Variants in CHODL observed in about 807,000 individuals in gnomAD.
The protein encoded by CHODL is transmembrane protein MT75.
A neutral mutation model predicts 34.5 loss-of-function variants in CHODL; 29 were observed. The ratio of observed to expected loss-of-function variants is 0.84; its 90% CI spans 0.63 to 1.15. The LOEUF is 1.15. Ranked by LOEUF, CHODL falls within the 50% of genes most tolerant of loss-of-function variation. CHODL has a pLI of 0.00. For synonymous variants in CHODL, 125 were observed against 116.1 expected, an observed-to-expected ratio of 1.08 and a Z score of -0.49; for missense variants, 332 against 332.5, an observed-to-expected ratio of 1.00 and a Z score of 0.01.
intron 1 of CHODL, among the ~76,000 whole-genome samples, chr21:18,007,336 A>T (rs545554607): frequency 6.6e-6 from 1 of 152,278 alleles, no homozygotes; most frequent in Admixed American, 6.5e-5. Flanking sequence ...AAATTGGCAC[A>T]TTTCCCAGTG....
intron 2 of CHODL, among the ~76,000 whole-genome samples, chr21:18,075,494 A>C (rs755803092): frequency 6.6e-6 from 1 of 151,688 alleles, no homozygotes; most frequent in Non-Finnish European, 1.5e-5. Flanking sequence ...ACCACTCCTT[A>C]CTACCTATGG....
At chr21:18,027,410 A>G (rs1170960341) in intron 1 of CHODL, among the ~76,000 whole-genome samples, 1 of 152,224 alleles carries the variant, frequency 6.6e-6, no homozygotes, top group East Asian at 1.9e-4. Flanking sequence ...TTTTGAAGTC[A>G]TTGAAGGAAA....
chr21:18,133,717 A>G (rs1319795671), intron 2 of CHODL, among the ~76,000 whole-genome samples: 1 of 152,142 alleles, frequency 6.6e-6, no homozygotes, highest in Non-Finnish European at 1.5e-5. Context: ...CATCAACTCA[A>G]ACATAAGCCA....
chr21:17,992,679 T>C (rs1461962929), intron 1 of CHODL, among the ~76,000 whole-genome samples: 1 of 150,682 alleles, frequency 6.6e-6, no homozygotes, highest in Non-Finnish European at 1.5e-5. Flanking sequence ...ACAACTTTCT[T>C]GAATTTGTTT....
intron 2 of CHODL, among the ~76,000 whole-genome samples, chr21:18,123,233 G>T (rs764796862): frequency 6.6e-6 from 1 of 152,124 alleles, no homozygotes; most frequent in East Asian, 1.9e-4. Context: ...TAAAAGTAAA[G>T]CCCAATATTA....
intron 2 of CHODL, among the ~76,000 whole-genome samples, chr21:18,098,318 G>A (rs80100700): frequency 1.7e-3 from 254 of 151,744 alleles, no homozygotes; most frequent in Middle Eastern, 3.5e-3. Flanking sequence ...CATATGATAA[G>A]GAATTAATAA....
At chr21:18,159,394 A>G (rs997786580) in intron 2 of CHODL, among the ~76,000 whole-genome samples, 2 of 152,134 alleles carry the variant, frequency 1.3e-5, no homozygotes, top group Non-Finnish European at 2.9e-5. Flanking sequence ...TTAATTGAAA[A>G]GTTTTCTGCT....
intron 2 of CHODL, among the ~76,000 whole-genome samples, chr21:18,170,823 T>G (rs2146658164): frequency 6.6e-6 from 1 of 152,264 alleles, no homozygotes; most frequent in Middle Eastern, 3.4e-3. Flanking sequence ...ACAAATACAT[T>G]TATATTGTCT....
At chr21:18,226,599 A>G (rs1050415195) in intron 2 of CHODL, among the ~76,000 whole-genome samples, 6 of 152,058 alleles carry the variant, frequency 3.9e-5, no homozygotes, top group Non-Finnish European at 5.9e-5. Flanking sequence ...ACGTTTGGCC[A>G]TGTTTTACAT....
At chr21:17,953,845 A>G (rs943146342) in intron 1 of CHODL, among the ~76,000 whole-genome samples, 2 of 152,096 alleles carry the variant, frequency 1.3e-5, no homozygotes. Flanking sequence ...CCTTGTCTCT[A>G]CTAAAAATAC....
chr21:18,237,451 T>C (rs1229059155), intron 2 of CHODL, among the ~76,000 whole-genome samples: 1 of 152,120 alleles, frequency 6.6e-6, no homozygotes, highest in Non-Finnish European at 1.5e-5. Flanking sequence ...CCTGACATCC[T>C]TGAGTGTTAG....
At chr21:18,234,607 A>G (rs2074012383) in intron 2 of CHODL, among the ~76,000 whole-genome samples, 1 of 152,086 alleles carries the variant, frequency 6.6e-6, no homozygotes, top group Admixed American at 6.6e-5. Flanking sequence ...GCAGGGAACA[A>G]TCCACCCCTT....
chr21:18,264,540 T>TGCA lies in CHODL; in HGVS notation c.738-1412_738-1410dup, dbSNP rs371963056. Among the ~76,000 whole-genome samples the TGCA allele has an allele frequency of 5.4e-3, 783 of 144,978 alleles. 10 individuals carry two copies. The highest frequency in any genetic ancestry group is 0.019 in the African/African-American group (742 of 38,822). On this transcript the variant is annotated intron_variant, in intron 5 of 5. Coordinates refer to ENST00000299295, the MANE Select transcript of CHODL (RefSeq NM_024944.3). Reference sequence around the variant, plus strand: ...TTGCTTGAACCGGGGAGGCGGAGGTTGCAGTGAGCCGAGATCAGGCCACTG... The same window carrying TGCA: ...TTGCTTGAACCGGGGAGGCGGAGGTTGCAGCAGTGAGCCGAGATCAGGCCACTG...
intron 2 of CHODL, among the ~76,000 whole-genome samples, chr21:18,132,749 T>C (rs2072672269): frequency 6.6e-6 from 1 of 152,152 alleles, no homozygotes; most frequent in South Asian, 2.1e-4. Context: ...TTAACATGTT[T>C]TCTCTCACTG....
At chr21:18,011,097 A>G (rs766055622) in intron 1 of CHODL, among the ~76,000 whole-genome samples, 3 of 151,330 alleles carry the variant, frequency 2.0e-5, no homozygotes, top group Admixed American at 1.3e-4. Context: ...TAATACTACC[A>G]TTTTCCTATT....
chr21:18,223,851 A>G (rs1043691239), intron 2 of CHODL, among the ~76,000 whole-genome samples: 3 of 152,150 alleles, frequency 2.0e-5, no homozygotes, highest in Admixed American at 6.5e-5. Flanking sequence ...ATCTCCTCCA[A>G]TAGGAAAGGG....
At chr21:17,989,994 C>G (rs1211018865) in intron 1 of CHODL, among the ~76,000 whole-genome samples, 2 of 152,064 alleles carry the variant, frequency 1.3e-5, no homozygotes, top group East Asian at 3.9e-4. Context: ...ACCTTTGTCT[C>G]CTACAGAGCT....
At position 18,108,706 on chromosome 21, in the gene CHODL, A is replaced by G. The variant is rs2065306376; in HGVS notation, c.-45+80735A>G. Among the ~76,000 whole-genome samples the G allele has an allele frequency of 2.6e-5, 4 of 152,086 alleles. No homozygotes were observed. The South Asian group carries it at 8.3e-4, about 32-fold the overall frequency. ...AAAATTTGGTCATTCCACTGGAAAA[A>G]CCCTAGCCAGCTAGATAATAGAAAA... is the stretch of plus-strand genomic sequence containing the variant. On this transcript the variant is annotated intron_variant, in intron 2 of 6. Coordinates refer to the CHODL transcript ENST00000400127.
At chr21:18,257,576 A>G (rs1342375621) in intron 3 of CHODL, among the ~76,000 whole-genome samples, 2 of 152,174 alleles carry the variant, frequency 1.3e-5, no homozygotes, top group East Asian at 3.9e-4. Flanking sequence ...TTATCATTTT[A>G]TGGTATAATA....
Sources: gnomAD v4.1 joint callset for allele counts (sites outside exome capture counted in the v4.1 genomes callset) on GRCh38, gnomAD v4.1.1 for gene constraint, MANE v1.5 for transcripts, NCBI Gene and HGNC (gene_info 2026-07-23, HGNC 2026-07-21) for gene names.